Variants in SLC27A2 observed in about 807,000 individuals in gnomAD.
SLC27A2 encodes solute carrier family 27 member 2, also known as long-chain fatty acid transport protein 2.
SLC27A2 carries 54 observed loss-of-function variants against 60.0 expected under a neutral mutation model. The observed-to-expected ratio is 0.90, with a 90% CI of 0.72 to 1.13. SLC27A2 has a LOEUF of 1.13. Ranked by LOEUF, SLC27A2 falls within the 50% of genes most tolerant of loss-of-function variation. The pLI is 0.00. For missense variants in SLC27A2, 739 were observed against 777.6 expected (o/e 0.95, Z 0.59); for synonymous variants, 297 against 297.6 (o/e 1.00, Z 0.02).
intron 3 of SLC27A2, among the ~76,000 whole-genome samples, chr15:50,204,973 C>A (rs2045099454): frequency 6.7e-6 from 1 of 149,878 alleles, no homozygotes; most frequent in Non-Finnish European, 1.5e-5. Flanking sequence ...CTCCCTCCCT[C>A]TTAGGACTTC....
chr15:50,191,154 A>G (rs1242593271), intron 1 of SLC27A2: 1 of 152,222 alleles, frequency 6.6e-6, no homozygotes, highest in Non-Finnish European at 1.5e-5. Context: ...TCTATATCAC[A>G]GAGTTGTTAT....
At chr15:50,206,403 A>G (rs2045112224) in intron 4 of SLC27A2, among the ~76,000 whole-genome samples, 1 of 152,194 alleles carries the variant, frequency 6.6e-6, no homozygotes, top group African/African-American at 2.4e-5. Flanking sequence ...AGGATCACTA[A>G]GTTGATAAAT....
chr15:50,186,284 G>T (rs767888880), intron 1 of SLC27A2, among the ~76,000 whole-genome samples: 1 of 152,036 alleles, frequency 6.6e-6, no homozygotes, highest in Non-Finnish European at 1.5e-5. Context: ...CCCCAAAAAT[G>T]CTGATTCAGT....
intron 8 of SLC27A2, among the ~76,000 whole-genome samples, chr15:50,230,784 A>T (rs1854373124): frequency 6.6e-6 from 1 of 152,220 alleles, no homozygotes; most frequent in Admixed American, 6.5e-5. Flanking sequence ...AATGTTGTGT[A>T]AACATCTAAA....
chr15:50,208,546 T>C (rs1276225372), intron 4 of SLC27A2, among the ~76,000 whole-genome samples: 1 of 152,188 alleles, frequency 6.6e-6, no homozygotes, highest in African/African-American at 2.4e-5. Flanking sequence ...TCTCAACACA[T>C]GTTGCCATTA....
chr15:50,198,090 G>T (rs1177710526), intron 2 of SLC27A2: 1 of 169,954 alleles, frequency 5.9e-6, no homozygotes, highest in East Asian at 1.5e-4. Flanking sequence ...CACAGGAGAA[G>T]ACCAGTGAAC....
chr15:50,198,145 C>G (rs1224812254), intron 2 of SLC27A2: 2 of 156,922 alleles, frequency 1.3e-5, no homozygotes, highest in African/African-American at 4.9e-5. Flanking sequence ...CGTTATCTTC[C>G]CATGCAACAC....
At chr15:50,220,234 C>G (rs2045233105) in intron 4 of SLC27A2, among the ~76,000 whole-genome samples, 1 of 152,226 alleles carries the variant, frequency 6.6e-6, no homozygotes, top group African/African-American at 2.4e-5. Flanking sequence ...CCCACACACC[C>G]AGGGTGCCTG....
chr15:50,199,019 A>G (rs1280737769), intron 2 of SLC27A2, among the ~76,000 whole-genome samples: 3 of 127,954 alleles, frequency 2.3e-5, no homozygotes, highest in Non-Finnish European at 4.9e-5. Context: ...TGCCCAAAAC[A>G]TAATGTCTAT....
chr15:50,227,221 C>A, intron 7 of SLC27A2, 43 bp downstream of exon 7: 1 of 1,511,640 alleles, frequency 6.6e-7, no homozygotes, highest in South Asian at 1.1e-5. Context: ...AACACACGCA[C>A]AGTTTGGCTT....
rs138907265 is a variant in SLC27A2 at position 50,235,953 on chromosome 15, C to T, written c.1720C>T (p.Arg574Cys). ...TGAGATCACTGGAACTTTTAAACAC[C>T]GCAAAATGACCCTGGTGGAGGAGGG... ...TIEITGTFKH[R>C]KMTLVEEGFN... Residue 574 changes from arginine to cysteine, a missense_variant, in exon 10 of 10, where the codon CGC (arginine) becomes TGC (cysteine). Transcript: ENST00000267842. 7.7e-5 allele frequency: 124 copies of T among 1,613,358 alleles called. No homozygotes were observed. Among genetic ancestry groups the T allele is most frequent in the Admixed American group, 1.7e-4 (10 of 59,888 alleles).
intron 1 of SLC27A2, among the ~76,000 whole-genome samples, chr15:50,191,312 C>T (rs904690352): frequency 6.6e-6 from 1 of 152,230 alleles, no homozygotes; most frequent in African/African-American, 2.4e-5. Context: ...CGGACTCACT[C>T]TTCAGCTGCT....
chr15:50,210,861 A>G lies in SLC27A2; in HGVS notation c.972+5498A>G, dbSNP rs148790632. On this transcript the variant is annotated intron_variant, in intron 4 of 9. Coordinates refer to ENST00000267842, the MANE Select transcript of SLC27A2 (RefSeq NM_003645.4). ...AGCTGGGTGAGGCCTGTGACTGCCA[A>G]CTTTCCCCCACTTCCCTGACAACCT... Among the ~76,000 whole-genome samples the G allele has an allele frequency of 9.3e-3, 1,423 of 152,222 alleles. 22 individuals are homozygous for G. The highest frequency in any genetic ancestry group is 0.033 in the African/African-American group (1,364 of 41,524).
In SLC27A2 at chr15:50,226,062, C is replaced by T. The variant is rs543510198; in HGVS notation, c.1242C>T (p.Cys414=). The change falls in exon 6 of 10, where the codon TGC becomes TGT. Residue 414 remains cysteine, a synonymous_variant. Transcript: ENST00000267842. ...CTGTCCGTGATGAAAATGGATATTG[C>T]GTCAGAGTTCCCAAAGGTACAGTGG... ...DEPVRDENGY[C]VRVPKGEVGL... The T allele has an allele frequency of 1.9e-5, 30 of 1,606,180 alleles. No homozygotes were observed. The African/African-American group carries it at 1.9e-4, about 10-fold the overall frequency.
chr15:50,190,309 C>T (rs1045203776), intron 1 of SLC27A2, among the ~76,000 whole-genome samples: 2 of 152,216 alleles, frequency 1.3e-5, no homozygotes, highest in Admixed American at 1.3e-4. Context: ...AATCTTCAAG[C>T]TTGACTTGCT....
intron 5 of SLC27A2, 119 bp from the exon 6 acceptor site, chr15:50,225,869 T>G (rs1222937896): frequency 1.6e-5 from 10 of 623,566 alleles, no homozygotes; most frequent in Non-Finnish European, 2.8e-5. Context: ...GTTTTAAGGG[T>G]ATATGCAAAT....
chr15:50,232,398 T>C (rs1436305762), intron 8 of SLC27A2, among the ~76,000 whole-genome samples: 1 of 150,620 alleles, frequency 6.6e-6, no homozygotes, highest in African/African-American at 2.4e-5. Flanking sequence ...AACTGAATTT[T>C]TCATAATATT....
At chr15:50,202,375 C>T in intron 2 of SLC27A2, 112 bp from the exon 3 acceptor site, 1 of 1,064,310 alleles carries the variant, frequency 9.4e-7, no homozygotes, top group Non-Finnish European at 1.4e-6. Context: ...TGGCCCTTCC[C>T]AGTGCAATTC....
intron 1 of SLC27A2, among the ~76,000 whole-genome samples, chr15:50,196,080 ATATATATAT>A (rs1428992933): frequency 4.5e-3 from 35 of 7,806 alleles, no homozygotes; most frequent in African/African-American, 8.6e-3. Flanking sequence ...AAAAAAAAAT[ATATATATAT>A]ATATATATAT....
Sources: gnomAD v4.1 joint callset for allele counts (sites outside exome capture counted in the v4.1 genomes callset) on GRCh38, gnomAD v4.1.1 for gene constraint, MANE v1.5 for transcripts, NCBI Gene and HGNC (gene_info 2026-07-23, HGNC 2026-07-21) for gene names.